PPP2R5E: variants seen among roughly 807,000 people sequenced by gnomAD.
The protein encoded by PPP2R5E is serine/threonine-protein phosphatase 2A 56 kDa regulatory subunit epsilon isoform.
PPP2R5E carries 4 observed loss-of-function variants against 65.3 expected under a neutral mutation model. The observed-to-expected ratio is 0.06, with a 90% CI of 0.03 to 0.14. The LOEUF is 0.14. Among genes scored for constraint, PPP2R5E ranks in the 10% least tolerant of loss-of-function variants. PPP2R5E has a pLI of 1.00. For synonymous variants in PPP2R5E, 183 were observed against 187.4 expected (o/e 0.98, Z 0.19); for missense variants, 274 against 556.1 (o/e 0.49, Z 5.10).
intron 13 of PPP2R5E, 145 bp from the exon 14 acceptor site, chr14:63,376,253 G>A: frequency 1.6e-6 from 1 of 612,912 alleles, no homozygotes; most frequent in Non-Finnish European, 2.8e-6. Context: ...AAACAAAAAT[G>A]GGAATGACTT....
At position 63,457,317 on chromosome 14, in the gene PPP2R5E, C is replaced by CT. The variant is rs1363067440; in HGVS notation, c.158-3433dup. ...AGTCCCTGAAGTAGATCCAAATATT[C>CT]TTTTTAAATAAACATTTATTAAAAG... On this transcript the variant is annotated intron_variant, in intron 2 of 13. Coordinates refer to ENST00000337537, the MANE Select transcript of PPP2R5E (RefSeq NM_006246.5). Among the ~76,000 whole-genome samples, 34 of 152,232 alleles carry CT rather than the reference C, an allele frequency of 2.2e-4. 1 individual carries two copies. In the East Asian group the frequency reaches 5.8e-3, roughly 26 times the overall value.
At chr14:63,520,672 G>A (rs114481585) in intron 2 of PPP2R5E, among the ~76,000 whole-genome samples, 3,663 of 151,978 alleles carry the variant, frequency 0.024, 152 homozygotes, top group African/African-American at 0.084. Context: ...GAGTTAGCCA[G>A]GTCCTAGGCG....
chr14:63,459,747 T>A (rs1264377860), intron 2 of PPP2R5E, among the ~76,000 whole-genome samples: 2 of 152,214 alleles, frequency 1.3e-5, no homozygotes, highest in Non-Finnish European at 2.9e-5. Flanking sequence ...GATTTCAGTA[T>A]GTCACTACGG....
In PPP2R5E at chr14:63,414,503, T is replaced by C. The variant is rs553254827; in HGVS notation, c.549+637A>G. Among the ~76,000 whole-genome samples, 13 of 152,216 alleles carry C rather than the reference T, an allele frequency of 8.5e-5. No homozygotes were observed. The East Asian group carries it at 2.5e-3, about 29-fold the overall frequency. ...TATATCAACAACAGGAGCAAGGAAG[T>C]GTTACCTAAAACTTCAGTGCCATGA... On this transcript the variant is annotated intron_variant, in intron 5 of 13. Coordinates refer to ENST00000337537, the MANE Select transcript of PPP2R5E (RefSeq NM_006246.5).
chr14:63,523,148 G>A (rs1248544422), intron 2 of PPP2R5E, among the ~76,000 whole-genome samples: 2 of 150,588 alleles, frequency 1.3e-5, no homozygotes, highest in African/African-American at 5.0e-5. Context: ...CCTCTGCCCG[G>A]CCGCCCCTAC....
At chr14:63,488,401 C>T (rs917323682) in intron 2 of PPP2R5E, among the ~76,000 whole-genome samples, 1 of 152,030 alleles carries the variant, frequency 6.6e-6, no homozygotes, top group Non-Finnish European at 1.5e-5. Flanking sequence ...CAGGGTCTTG[C>T]TATGTTGCCC....
intron 5 of PPP2R5E, among the ~76,000 whole-genome samples, chr14:63,409,645 G>A (rs779222128): frequency 2.6e-5 from 4 of 152,190 alleles, no homozygotes; most frequent in Non-Finnish European, 2.9e-5. Flanking sequence ...TATAAAAAAC[G>A]ACACTGAGGC....
At position 63,504,171 on chromosome 14, in the gene PPP2R5E, C is replaced by G. The variant is rs369071773; in HGVS notation, c.157+35358G>C. ...AGTAGCCACTTGCCCAAGACCTGTACGTATTGTATAGATTATAAATTTCAA... is the reference window on the plus strand; with the variant it reads ...AGTAGCCACTTGCCCAAGACCTGTAGGTATTGTATAGATTATAAATTTCAA... On this transcript the variant is annotated intron_variant, in intron 2 of 13. Coordinates refer to ENST00000337537, the MANE Select transcript of PPP2R5E (RefSeq NM_006246.5). 2.6e-4 allele frequency among the ~76,000 whole-genome samples: 39 copies of G among 152,138 alleles called. No homozygotes were observed. The South Asian group carries it at 7.5e-3, about 29-fold the overall frequency.
chr14:63,460,099 G>A (rs1156468827), intron 2 of PPP2R5E, among the ~76,000 whole-genome samples: 4 of 152,230 alleles, frequency 2.6e-5, no homozygotes, highest in Non-Finnish European at 5.9e-5. Context: ...AGATGAAGGT[G>A]TGGGTATTGA....
intron 13 of PPP2R5E, 31 bp from the exon 14 acceptor site, chr14:63,376,139 G>GCTGA (rs1278038593): frequency 1.4e-6 from 2 of 1,442,796 alleles, no homozygotes; most frequent in Non-Finnish European, 1.9e-6. Context: ...AATGTAAACA[G>GCTGA]CTGAGGTTTA....
intron 2 of PPP2R5E, among the ~76,000 whole-genome samples, chr14:63,515,497 C>T (rs1221442376): frequency 6.6e-6 from 1 of 151,972 alleles, no homozygotes; most frequent in Non-Finnish European, 1.5e-5. Flanking sequence ...TTCAAATACA[C>T]ATAATGTTGT....
At chr14:63,418,661 C>T (rs1886833050) in intron 4 of PPP2R5E, among the ~76,000 whole-genome samples, 1 of 151,972 alleles carries the variant, frequency 6.6e-6, no homozygotes, top group African/African-American at 2.4e-5. Flanking sequence ...AAATTGTATT[C>T]TACTGAAGAC....
At chr14:63,440,783 C>CAAAAAAAAAAAAAAAAAAA (rs763718989) in intron 3 of PPP2R5E, among the ~76,000 whole-genome samples, 6 of 108,836 alleles carry the variant, frequency 5.5e-5, no homozygotes, top group African/African-American at 1.5e-4. Context: ...CTAAAAAATA[C>CAAAAAAAAAAAAAAAAAAA]AAAAAAAAAA....
chr14:63,476,048 T>C (rs1198391512), intron 2 of PPP2R5E, among the ~76,000 whole-genome samples: 1 of 152,208 alleles, frequency 6.6e-6, no homozygotes, highest in East Asian at 1.9e-4. Flanking sequence ...TAGAGGATTA[T>C]GATACTTAAA....
chr14:63,398,498 T>C (rs1223047727), intron 5 of PPP2R5E, among the ~76,000 whole-genome samples: 2 of 152,228 alleles, frequency 1.3e-5, no homozygotes, highest in Non-Finnish European at 1.5e-5. Context: ...CTCTATTTTA[T>C]TGATCATTAC....
chr14:63,424,470 G>A (rs941165744), intron 3 of PPP2R5E, among the ~76,000 whole-genome samples: 2 of 152,120 alleles, frequency 1.3e-5, no homozygotes, highest in Non-Finnish European at 1.5e-5. Context: ...AGAAAGGGTC[G>A]GCCGGGCGCG....
In PPP2R5E at chr14:63,373,408, C is replaced by G. The variant is rs1198856812; in HGVS notation, c.*2601G>C. 1.3e-5 allele frequency: 2 copies of G among 152,174 alleles called. No individual in the cohort carries two copies. The highest frequency in any genetic ancestry group is 1.3e-4 in the Admixed American group (2 of 15,274). 9.4% of individuals were successfully genotyped at this position (152,174 alleles called of 1,614,324 possible). A position where few individuals can be genotyped will look rare whatever the true frequency, so the allele number is the denominator to read the frequency against. On this transcript the variant is annotated 3_prime_UTR_variant, in exon 14 of 14. Transcript: ENST00000337537. ...GCTGCTGCAAATGCAGCAAGTACGT[C>G]CTGAAATATGTCACATAGTGCAACA... is the stretch of plus-strand genomic sequence containing the variant.
At position 63,526,316 on chromosome 14, in the gene PPP2R5E, C is replaced by T. The variant is rs531041831; in HGVS notation, c.157+13213G>A. On this transcript the variant is annotated intron_variant, in intron 2 of 13. Coordinates refer to ENST00000337537, the MANE Select transcript of PPP2R5E (RefSeq NM_006246.5). Reference sequence around the variant, plus strand: ...GGAATGGGCAAGCGAAATGGAGGCACGAAAGTATTAGAACTCTATATCTTA... The same window carrying T: ...GGAATGGGCAAGCGAAATGGAGGCATGAAAGTATTAGAACTCTATATCTTA... Among the ~76,000 whole-genome samples, 9 of 152,244 alleles carry T rather than the reference C, an allele frequency of 5.9e-5. No individual in the cohort carries two copies. In the South Asian group the frequency reaches 1.2e-3, roughly 21 times the overall value.
At chr14:63,537,841 T>G (rs1049370304) in intron 2 of PPP2R5E, among the ~76,000 whole-genome samples, 11 of 152,152 alleles carry the variant, frequency 7.2e-5, no homozygotes, top group African/African-American at 2.7e-4. Flanking sequence ...AACATCCACC[T>G]CAAAGGTAAA....
Sources: gnomAD v4.1 joint callset for allele counts (sites outside exome capture counted in the v4.1 genomes callset) on GRCh38, gnomAD v4.1.1 for gene constraint, MANE v1.5 for transcripts, NCBI Gene and HGNC (gene_info 2026-07-23, HGNC 2026-07-21) for gene names.